The following SYT9 variants were observed in gnomAD, a reference collection of about 807,000 sequenced individuals.
SYT9 encodes the protein synaptotagmin 9, also known as synaptotagmin-9.
In SYT9, 22 loss-of-function variants were observed where a neutral mutation model predicts 48.4. The observed-to-expected ratio is 0.45, with a 90% CI of 0.32 to 0.65. The LOEUF (loss-of-function observed/expected upper bound fraction) is 0.65, where lower values mean the gene tolerates loss of function less well. Among genes scored for constraint, SYT9 ranks in the 30% least tolerant of loss-of-function variants. SYT9 has a pLI of 0.03. For synonymous variants in SYT9, 265 were observed against 245.0 expected (o/e 1.08, Z -0.76); for missense variants, 577 against 622.0 (o/e 0.93, Z 0.77).
At chr11:7,305,552 T>G (rs1380769486) in intron 2 of SYT9, among the ~76,000 whole-genome samples, 1 of 152,150 alleles carries the variant, frequency 6.6e-6, no homozygotes, top group East Asian at 1.9e-4. Flanking sequence ...GAGAATGAAA[T>G]TTCCTTTATG....
chr11:7,450,690 G>A (rs1848031034), intron 6 of SYT9, among the ~76,000 whole-genome samples: 1 of 152,174 alleles, frequency 6.6e-6, no homozygotes. Flanking sequence ...GTTAGGAAAG[G>A]CTTTCTCTCT....
At chr11:7,353,418 C>G (rs1194344273) in intron 3 of SYT9, among the ~76,000 whole-genome samples, 2 of 152,170 alleles carry the variant, frequency 1.3e-5, no homozygotes, top group Admixed American at 1.3e-4. Context: ...GCAGCAGCTT[C>G]CCCAGGAACC....
intron 3 of SYT9, among the ~76,000 whole-genome samples, chr11:7,381,338 A>G (rs1055321879): frequency 2.6e-5 from 4 of 152,188 alleles, no homozygotes; most frequent in African/African-American, 9.7e-5. Context: ...GGGGTTCAGA[A>G]ACCATACTTT....
At chr11:7,359,885 G>A (rs557091481) in intron 3 of SYT9, among the ~76,000 whole-genome samples, 1 of 152,182 alleles carries the variant, frequency 6.6e-6, no homozygotes, top group South Asian at 2.1e-4. Flanking sequence ...TTTGGCTTTT[G>A]TTACCATTGC....
Position 7,313,676 on chromosome 11 carries a change from T to A in SYT9, c.779T>A (p.Val260Asp). Residue 260 changes from valine (V) to aspartate (D), a missense_variant, in exon 3 of 7, where the codon GTC (valine) becomes GAC (aspartate). Transcript: ENST00000318881. ...KDFSGTSDPYVKIYLLPDRKT... is the reference protein window; with the variant it reads ...KDFSGTSDPYDKIYLLPDRKT... ...TTTTCTGGGACTTCAGATCCTTATG[T>A]CAAGATCTATTTGCTTCCTGATCGG... 1 of 1,614,200 alleles carries A rather than the reference T, an allele frequency of 6.2e-7. No homozygotes were observed. Among genetic ancestry groups the A allele is most frequent in the Non-Finnish European group, 8.5e-7 (1 of 1,180,014 alleles).
chr11:7,288,818 C>G (rs974323420), intron 1 of SYT9, among the ~76,000 whole-genome samples: 1 of 152,230 alleles, frequency 6.6e-6, no homozygotes, highest in African/African-American at 2.4e-5. Context: ...TTCTTCCACT[C>G]TTTCAGGTGT....
At chr11:7,361,166 A>C (rs1850129913) in intron 3 of SYT9, among the ~76,000 whole-genome samples, 1 of 150,738 alleles carries the variant, frequency 6.6e-6, no homozygotes, top group South Asian at 2.1e-4. Context: ...TTCCTCCCTT[A>C]CTTCTATTTT....
At chr11:7,305,783 G>A (rs1849019913) in intron 2 of SYT9, among the ~76,000 whole-genome samples, 1 of 152,106 alleles carries the variant, frequency 6.6e-6, no homozygotes, top group African/African-American at 2.4e-5. Context: ...CATGATCACA[G>A]TCTCAGGGTT....
intron 3 of SYT9, among the ~76,000 whole-genome samples, chr11:7,414,011 T>C (rs1847190587): frequency 6.6e-6 from 1 of 152,210 alleles, no homozygotes; most frequent in Admixed American, 6.5e-5. Context: ...CAAATAGCCA[T>C]ATTGTATAAA....
rs67650978 is a variant in SYT9, at chr11:7,432,547, CAAA to C, written c.1467+11946_1467+11948del. 1.3e-3 allele frequency among the ~76,000 whole-genome samples: 22 copies of C among 16,878 alleles called. 1 individual carries two copies. Among genetic ancestry groups the C allele is most frequent in the African/African-American group, 2.0e-3 (9 of 4,610 alleles). 11.1% of individuals were successfully genotyped at this position (16,878 alleles called of 152,430 possible). ...GGGCAACAAGAGTGAGACTCCATCT[CAAA>C]AAAAAAAAAAAAAAAAAAAAAAAAA... On this transcript the variant is annotated intron_variant, in intron 6 of 6. Coordinates refer to ENST00000318881, the MANE Select transcript of SYT9 (RefSeq NM_175733.4).
chr11:7,394,743 T>C (rs1051384297), intron 3 of SYT9, among the ~76,000 whole-genome samples: 28 of 152,196 alleles, frequency 1.8e-4, no homozygotes, highest in African/African-American at 6.5e-4. Flanking sequence ...TTTGTTCTTG[T>C]TTTTCTAATT....
At chr11:7,265,540 G>T (rs904559159) in intron 1 of SYT9, among the ~76,000 whole-genome samples, 1 of 152,102 alleles carries the variant, frequency 6.6e-6, no homozygotes, top group Non-Finnish European at 1.5e-5. Context: ...TACGGCCTTC[G>T]TGGTTTACAA....
intron 6 of SYT9, among the ~76,000 whole-genome samples, chr11:7,432,509 T>C (rs1721929585): frequency 7.3e-6 from 1 of 137,038 alleles, no homozygotes; most frequent in African/African-American, 2.7e-5. Flanking sequence ...ATTGTGCCAT[T>C]GCACTCCACC....
At chr11:7,374,548 C>T (rs59128446) in intron 3 of SYT9, among the ~76,000 whole-genome samples, 5,256 of 152,170 alleles carry the variant, frequency 0.035, 324 homozygotes, top group African/African-American at 0.12. Context: ...AGAGTAAAAG[C>T]GTTCCTATTT....
chr11:7,328,131 T>A (rs1279911479), intron 3 of SYT9, among the ~76,000 whole-genome samples: 2 of 151,660 alleles, frequency 1.3e-5, no homozygotes, highest in African/African-American at 4.8e-5. Flanking sequence ...TAGTTTTGTC[T>A]TGTATATTTC....
intron 3 of SYT9, among the ~76,000 whole-genome samples, chr11:7,352,366 C>T: frequency 6.6e-6 from 1 of 152,188 alleles, no homozygotes; most frequent in East Asian, 1.9e-4. Flanking sequence ...CCAATATCTA[C>T]ACTGGGCTTG....
chr11:7,420,278 T>G (rs150048740), intron 5 of SYT9, among the ~76,000 whole-genome samples: 5 of 152,284 alleles, frequency 3.3e-5, no homozygotes, highest in Non-Finnish European at 5.9e-5. Flanking sequence ...ACAAGGTTCT[T>G]GGAAACAAGT....
intron 3 of SYT9, among the ~76,000 whole-genome samples, chr11:7,329,999 G>T (rs1374171461): frequency 6.6e-6 from 1 of 151,916 alleles, no homozygotes; most frequent in Non-Finnish European, 1.5e-5. Context: ...ATCTATCCTT[G>T]TTTTCCTTAT....
intron 3 of SYT9, among the ~76,000 whole-genome samples, chr11:7,412,144 A>G (rs1847149245): frequency 6.6e-6 from 1 of 152,198 alleles, no homozygotes; most frequent in African/African-American, 2.4e-5. Context: ...GAGCTTCTTT[A>G]AAATCAGTAA....
Sources: gnomAD v4.1 joint callset for allele counts (sites outside exome capture counted in the v4.1 genomes callset) on GRCh38, gnomAD v4.1.1 for gene constraint, MANE v1.5 for transcripts, NCBI Gene and HGNC (gene_info 2026-07-23, HGNC 2026-07-21) for gene names.